Variants in COL4A2 observed in about 807,000 individuals in gnomAD.
The protein encoded by COL4A2 is collagen type IV alpha 2 chain.
Under a neutral mutation model 200.2 loss-of-function variants are expected in COL4A2, and 99 were observed. The observed-to-expected ratio is 0.49, with a 90% CI of 0.42 to 0.58. COL4A2 has a LOEUF of 0.58. Ranked by LOEUF, COL4A2 falls within the 20% of genes least tolerant of loss-of-function variation. The pLI is 0.00. For missense variants in COL4A2, 1,950 were observed against 2,314.1 expected (o/e 0.84, Z 3.23); for synonymous variants, 897 against 900.6 (o/e 1.00, Z 0.07).
intron 4 of COL4A2, among the ~76,000 whole-genome samples, chr13:110,422,906 T>C (rs911029750): frequency 1.3e-4 from 20 of 152,164 alleles, no homozygotes; most frequent in African/African-American, 3.9e-4. Context: ...AAATTCCCAT[T>C]TCACTTCAAC....
rs1407539975 is a variant in COL4A2 at position 110,346,232 on chromosome 13, A to G, written c.100-11240A>G. ...GGGGCGTTGTTTCCTGCGTAACTCA[A>G]AGCCTTGGGAATCCCAGACAGAAAG... On this transcript the variant is annotated intron_variant, in intron 3 of 47. Transcript: ENST00000360467. Among the ~76,000 whole-genome samples, 6 of 152,344 alleles carry G rather than the reference A, an allele frequency of 3.9e-5. No individual in the cohort carries two copies. In the East Asian group the frequency reaches 1.2e-3, roughly 29 times the overall value.
chr13:110,432,895 A>C (rs75688373), intron 11 of COL4A2, among the ~76,000 whole-genome samples: 5 of 152,356 alleles, frequency 3.3e-5, no homozygotes, highest in African/African-American at 1.2e-4. Context: ...GGAACACAGC[A>C]AAGTAGGTGG....
At chr13:110,381,755 A>G (rs1878501750) in intron 4 of COL4A2, among the ~76,000 whole-genome samples, 1 of 152,190 alleles carries the variant, frequency 6.6e-6, no homozygotes, top group Admixed American at 6.5e-5. Context: ...CCTTTCAGAA[A>G]CAAATGAAAG....
At chr13:110,499,577 G>A (rs373264) in intron 40 of COL4A2, among the ~76,000 whole-genome samples, 90,032 of 151,990 alleles carry the variant, frequency 0.59, 26,824 homozygotes, top group Middle Eastern at 0.67. Context: ...TGAAGCTAGA[G>A]TCTGCAACCT....
chr13:110,460,204 C>T (rs1881970722), intron 22 of COL4A2, among the ~76,000 whole-genome samples: 2 of 152,244 alleles, frequency 1.3e-5, no homozygotes, highest in South Asian at 2.1e-4. Flanking sequence ...TGGAAGGAAC[C>T]GCAGCCCCGC....
intron 16 of COL4A2, among the ~76,000 whole-genome samples, chr13:110,443,434 G>A (rs189830867): frequency 6.6e-6 from 1 of 152,228 alleles, no homozygotes; most frequent in Admixed American, 6.5e-5. Context: ...AGTCCCTGAG[G>A]ACTTCTGCCC....
At chr13:110,326,930 T>C (rs1885431381) in intron 3 of COL4A2, among the ~76,000 whole-genome samples, 1 of 152,242 alleles carries the variant, frequency 6.6e-6, no homozygotes, top group Non-Finnish European at 1.5e-5. Flanking sequence ...TGATCAAAGA[T>C]AGACAATAAG....
chr13:110,454,065 G>A (rs1049568582), intron 20 of COL4A2, among the ~76,000 whole-genome samples: 6 of 152,146 alleles, frequency 3.9e-5, no homozygotes, highest in African/African-American at 9.7e-5. Flanking sequence ...ATCAAACCAC[G>A]AAGACAGTTT....
intron 29 of COL4A2, among the ~76,000 whole-genome samples, chr13:110,477,266 T>G (rs974157920): frequency 6.6e-6 from 1 of 152,114 alleles, no homozygotes; most frequent in African/African-American, 2.4e-5. Flanking sequence ...GAAAGAAACG[T>G]AGATCATAAT....
In COL4A2 at chr13:110,335,076, G is replaced by A. The variant is rs138628721; in HGVS notation, c.100-22396G>A. Among the ~76,000 whole-genome samples, 461 of 152,222 alleles carry A rather than the reference G, an allele frequency of 3.0e-3. 3 individuals carry two copies. The highest frequency in any genetic ancestry group is 0.01 in the Middle Eastern group (3 of 294). On this transcript the variant is annotated intron_variant, in intron 3 of 47. Coordinates refer to ENST00000360467, the MANE Select transcript of COL4A2 (RefSeq NM_001846.4). ...TCCCTCTGCAGAGGCCGAGCCCCCA[G>A]CCTGTGTCACACTTCTCATCCCTGG...
At chr13:110,403,466 G>A (rs1044365753) in intron 4 of COL4A2, among the ~76,000 whole-genome samples, 2 of 152,178 alleles carry the variant, frequency 1.3e-5, no homozygotes, top group Admixed American at 6.5e-5. Flanking sequence ...TTTGTGACAA[G>A]GATGGCCTTC....
intron 4 of COL4A2, among the ~76,000 whole-genome samples, chr13:110,415,955 C>T (rs1221688811): frequency 6.6e-6 from 1 of 152,242 alleles, no homozygotes; most frequent in East Asian, 1.9e-4. Context: ...CTAAGAATAC[C>T]AGGAAAATAT....
chr13:110,381,748 T>C (rs1208842334), intron 4 of COL4A2, among the ~76,000 whole-genome samples: 1 of 152,182 alleles, frequency 6.6e-6, no homozygotes, highest in African/African-American at 2.4e-5. Context: ...TTCACTCCCT[T>C]TCAGAAACAA....
chr13:110,376,177 G>A (rs1878229650), intron 4 of COL4A2, among the ~76,000 whole-genome samples: 1 of 152,192 alleles, frequency 6.6e-6, no homozygotes, highest in African/African-American at 2.4e-5. Context: ...ATGACAGTAC[G>A]AAATGCATTC....
At chr13:110,325,651 T>C (rs192514680) in intron 3 of COL4A2, among the ~76,000 whole-genome samples, 1 of 152,324 alleles carries the variant, frequency 6.6e-6, no homozygotes, top group East Asian at 1.9e-4. Flanking sequence ...CTTCAGCCTT[T>C]CTGTCTTCTC....
intron 40 of COL4A2, among the ~76,000 whole-genome samples, chr13:110,498,542 A>G (rs1403176213): frequency 6.6e-6 from 1 of 152,182 alleles, no homozygotes; most frequent in Non-Finnish European, 1.5e-5. Context: ...TTTGATTCAC[A>G]CAGCATGATG....
At chr13:110,438,179 G>C (rs904955664) in intron 14 of COL4A2, 142 bp downstream of exon 14, 1 of 668,912 alleles carries the variant, frequency 1.5e-6, no homozygotes, top group Non-Finnish European at 2.6e-6. Flanking sequence ...AACAGTATTA[G>C]CATGCATTTT....
intron 30 of COL4A2, among the ~76,000 whole-genome samples, chr13:110,479,608 G>A (rs903188975): frequency 6.6e-6 from 1 of 152,218 alleles, no homozygotes; most frequent in Non-Finnish European, 1.5e-5. Context: ...TTGGAGCCCC[G>A]AGGCAGAGGG....
At chr13:110,358,665 C>A (rs1485341210) in intron 4 of COL4A2, among the ~76,000 whole-genome samples, 1 of 152,212 alleles carries the variant, frequency 6.6e-6, no homozygotes, top group Non-Finnish European at 1.5e-5. Flanking sequence ...TAGGGCACCA[C>A]TATCTTCAGT....
Sources: gnomAD v4.1 joint callset for allele counts (sites outside exome capture counted in the v4.1 genomes callset) on GRCh38, gnomAD v4.1.1 for gene constraint, MANE v1.5 for transcripts, NCBI Gene and HGNC (gene_info 2026-07-23, HGNC 2026-07-21) for gene names.